RAI1: variants seen among roughly 807,000 people sequenced by gnomAD.
RAI1 encodes retinoic acid induced 1.
Under a neutral mutation model 123.8 loss-of-function variants are expected in RAI1, and 9 were observed. That is an observed-to-expected ratio of 0.07 (90% CI 0.04 to 0.13). RAI1 has a LOEUF of 0.13. RAI1 is among the 10% of genes least tolerant of loss of function. RAI1 has a pLI of 1.00. For missense variants in RAI1, 2,256 were observed against 2,545.8 expected (o/e 0.89, Z 2.45); for synonymous variants, 1,231 against 1,127.3 (o/e 1.09, Z -1.84).
At chr17:17,779,138 CA>C in intron 2 of RAI1, 1 of 345,394 alleles carries the variant, frequency 2.9e-6, no homozygotes, top group Non-Finnish European at 5.8e-6. Context: ...CAAGACAAGG[CA>C]TCAGCCGACA....
At chr17:17,713,263 T>G (rs1177890386) in intron 1 of RAI1, among the ~76,000 whole-genome samples, 4 of 152,084 alleles carry the variant, frequency 2.6e-5, no homozygotes, top group Non-Finnish European at 4.4e-5. Context: ...TCCCCACTGC[T>G]TGGGAGGCCA....
At chr17:17,790,617 T>TA (rs765604096) in intron 2 of RAI1, among the ~76,000 whole-genome samples, 36 of 151,518 alleles carry the variant, frequency 2.4e-4, no homozygotes, top group Middle Eastern at 6.8e-3. Context: ...TTGGAGAATG[T>TA]GAAAAAAAAT....
chr17:17,692,016 C>A (rs1003009435), intron 1 of RAI1, among the ~76,000 whole-genome samples: 1 of 152,208 alleles, frequency 6.6e-6, no homozygotes, highest in Non-Finnish European at 1.5e-5. Flanking sequence ...AAATCCCCAC[C>A]GTGGCCCGAA....
At chr17:17,783,400 G>A (rs949101432) in intron 2 of RAI1, among the ~76,000 whole-genome samples, 1 of 152,122 alleles carries the variant, frequency 6.6e-6, no homozygotes, top group African/African-American at 2.4e-5. Context: ...CGCAGAGGCC[G>A]GGAAACAAGG....
In RAI1 at chr17:17,810,008, C is replaced by T. The variant is rs757738920; in HGVS notation, c.*27C>T. ...AATCCACCCCAACGGCCGGAGGAGC[C>T]GCCGGAGCCCGCCTGCCCGCCCGCC... On this transcript the variant is annotated 3_prime_UTR_variant, in exon 6 of 6. Transcript: ENST00000353383. The surrounding 1 kb of genome is among the most constrained non-coding windows in gnomAD (Gnocchi z 4.6). The T allele has an allele frequency of 1.3e-6, 2 of 1,544,010 alleles. No homozygotes were observed. The highest frequency in any genetic ancestry group is 1.4e-5 in the African/African-American group (1 of 72,700).
chr17:17,750,654 G>A (rs1209260811), intron 2 of RAI1, among the ~76,000 whole-genome samples: 1 of 144,172 alleles, frequency 6.9e-6, no homozygotes, highest in East Asian at 2.0e-4. Flanking sequence ...CTGGGAGGCG[G>A]AGGTGAGCTG....
At chr17:17,786,849 G>A (rs529480279) in intron 2 of RAI1, among the ~76,000 whole-genome samples, 2 of 152,164 alleles carry the variant, frequency 1.3e-5, no homozygotes, top group Admixed American at 1.3e-4. Flanking sequence ...TGAGGTGGGC[G>A]GATCACCTGA....
In RAI1 at chr17:17,794,094, C is replaced by T. The variant is rs1242979373; in HGVS notation, c.1146C>T (p.Phe382=). The T allele has an allele frequency of 2.5e-6, 4 of 1,614,106 alleles. No homozygotes were observed. The highest frequency in any genetic ancestry group is 3.4e-6 in the Non-Finnish European group (4 of 1,180,038). The change falls in exon 3 of 6, where the codon TTC becomes TTT. Residue 382 remains phenylalanine (F), a synonymous_variant. Coordinates refer to ENST00000353383, the MANE Select transcript of RAI1 (RefSeq NM_030665.4). ...AGCAGCCGCTCAGCACCGGGGCCTT[C>T]CCCGCAGGGATCACTGACCACAGCC... is the stretch of plus-strand genomic sequence containing the variant. ...YSQQPLSTGA[F]PAGITDHSHF...
intron 1 of RAI1, among the ~76,000 whole-genome samples, chr17:17,700,568 G>A (rs1915186737): frequency 6.6e-6 from 1 of 152,132 alleles, no homozygotes; most frequent in South Asian, 2.1e-4. Context: ...GCCGGCCGCG[G>A]AAGCAGCTGC....
At position 17,724,621 on chromosome 17, in the gene RAI1, C is replaced by T. The variant is rs569000018; in HGVS notation, c.-17+462C>T. 9.9e-5 allele frequency among the ~76,000 whole-genome samples: 15 copies of T among 152,230 alleles called. No individual in the cohort carries two copies. In the East Asian group the frequency reaches 2.9e-3, roughly 30 times the overall value. Reference sequence around the variant, plus strand: ...GTTCTGTTCAAGTTCGCAATCTGCGCCCCGAAGCTGGTCGGACCGGGGAGG... The same window carrying T: ...GTTCTGTTCAAGTTCGCAATCTGCGTCCCGAAGCTGGTCGGACCGGGGAGG... On this transcript the variant is annotated intron_variant, in intron 2 of 5. Coordinates refer to ENST00000353383, the MANE Select transcript of RAI1 (RefSeq NM_030665.4).
chr17:17,808,594 T>G (rs777378105), intron 4 of RAI1, among the ~76,000 whole-genome samples: 44 of 152,072 alleles, frequency 2.9e-4, no homozygotes, highest in Non-Finnish European at 5.6e-4. Context: ...ACTACAGGCA[T>G]GCGCCACCAT....
At position 17,799,952 on chromosome 17, in the gene RAI1, C is replaced by T. The variant is rs530979101; in HGVS notation, c.5565+1439C>T. On this transcript the variant is annotated intron_variant, in intron 3 of 5. Transcript: ENST00000353383. This position sits in a 1 kb window ranked among gnomAD's most constrained non-coding sequence, Gnocchi z 4.5. Reference sequence around the variant, plus strand: ...CGCCTCCTAGTGTGTGTCTTGGGCACCTGCTTCCCACTGCCCATGGGGATG... The same window carrying T: ...CGCCTCCTAGTGTGTGTCTTGGGCATCTGCTTCCCACTGCCCATGGGGATG... Among the ~76,000 whole-genome samples the T allele has an allele frequency of 1.3e-5, 2 of 152,310 alleles. No homozygotes were observed. Among genetic ancestry groups the T allele is most frequent in the African/African-American group, 4.8e-5 (2 of 41,574 alleles).
At chr17:17,728,709 G>T (rs1035839367) in intron 2 of RAI1, among the ~76,000 whole-genome samples, 2 of 152,222 alleles carry the variant, frequency 1.3e-5, no homozygotes. Flanking sequence ...GCCAGGCACT[G>T]AGCTTGTTGT....
chr17:17,805,204 T>TA (rs2032571754), intron 4 of RAI1, among the ~76,000 whole-genome samples: 1 of 152,158 alleles, frequency 6.6e-6, no homozygotes, highest in South Asian at 2.1e-4. Flanking sequence ...AGTTGGTTGA[T>TA]ACCTCTGCAC....
At chr17:17,784,448 A>AGACG (rs1362699486) in intron 2 of RAI1, among the ~76,000 whole-genome samples, 1 of 152,252 alleles carries the variant, frequency 6.6e-6, no homozygotes, top group East Asian at 1.9e-4. Context: ...ATAGAGCTGT[A>AGACG]GACGGATCTC....
intron 2 of RAI1, among the ~76,000 whole-genome samples, chr17:17,783,249 G>T (rs2031677242): frequency 1.3e-5 from 2 of 152,104 alleles, no homozygotes; most frequent in African/African-American, 2.4e-5. Context: ...CTGGGCGCGG[G>T]GACGGGGGGG....
chr17:17,687,089 T>C (rs1914668193), intron 1 of RAI1, among the ~76,000 whole-genome samples: 1 of 152,038 alleles, frequency 6.6e-6, no homozygotes, highest in Non-Finnish European at 1.5e-5. Flanking sequence ...GTTCAAGCAA[T>C]TCTCTGGCTC....
intron 1 of RAI1, among the ~76,000 whole-genome samples, chr17:17,717,918 G>C (rs1251427468): frequency 1.3e-5 from 2 of 152,200 alleles, no homozygotes; most frequent in African/African-American, 4.8e-5. Flanking sequence ...CCCTGTTTGA[G>C]CCTGAAGCTG....
In RAI1 at chr17:17,722,829, C is replaced by T. The variant is rs531082500; in HGVS notation, c.-148-1199C>T. On this transcript the variant is annotated intron_variant, in intron 1 of 5. Transcript: ENST00000353383. ...GGGGAGGCGCGCGATGAAGGCCCCC[C>T]TCTTCTCCGCCTTCTCTCTACGCCC... 1.3e-5 allele frequency among the ~76,000 whole-genome samples: 2 copies of T among 152,282 alleles called. 1 individual carries two copies. The highest frequency in any genetic ancestry group is 4.1e-4 in the South Asian group (2 of 4,830).
Sources: allele counts gnomAD v4.1 joint callset (sites outside exome capture counted in the v4.1 genomes callset), GRCh38; gene constraint gnomAD v4.1.1; non-coding constraint Gnocchi (gnomAD v3.1); transcripts MANE v1.5; gene names NCBI Gene and HGNC (gene_info 2026-07-23, HGNC 2026-07-21).